The following KLF13 variants were observed in gnomAD, a reference collection of about 807,000 sequenced individuals.
KLF13 encodes the protein KLF transcription factor 13.
KLF13 carries 8 observed loss-of-function variants against 16.7 expected under a neutral mutation model. That is an observed-to-expected ratio of 0.48 (90% CI 0.28 to 0.87). The LOEUF (loss-of-function observed/expected upper bound fraction) is 0.87. Ranked by LOEUF, KLF13 falls within the 40% of genes least tolerant of loss-of-function variation. The pLI is 0.10. For missense variants in KLF13, 447 were observed against 452.2 expected (o/e 0.99, Z 0.10); for synonymous variants, 245 against 208.4 (o/e 1.18, Z -1.51).
At chr15:31,406,391 C>T (rs1432876646), downstream of KLF13, among the ~76,000 whole-genome samples, 2 of 152,140 alleles carry the variant, frequency 1.3e-5, no homozygotes, top group African/African-American at 2.4e-5. Context: ...GCAGGAGAAT[C>T]GCTTGAACCC....
At chr15:31,327,952 C>T (rs933742394) in intron 1 of KLF13, among the ~76,000 whole-genome samples, 163 bp downstream of exon 1, 1 of 147,800 alleles carries the variant, frequency 6.8e-6, no homozygotes, top group Admixed American at 6.7e-5. Context: ...CGGCTGGCCC[C>T]GCGCGTCGCG....
chr15:31,331,159 T>C (rs1164639046), intron 1 of KLF13, among the ~76,000 whole-genome samples: 1 of 152,236 alleles, frequency 6.6e-6, no homozygotes, highest in Non-Finnish European at 1.5e-5. Flanking sequence ...CTGTGCCCTG[T>C]TTTCCCTCCA....
intron 1 of KLF13, among the ~76,000 whole-genome samples, chr15:31,328,223 C>A (rs2038756598): frequency 6.6e-6 from 1 of 150,458 alleles, no homozygotes; most frequent in East Asian, 2.0e-4. Flanking sequence ...TCGTTTCCTC[C>A]CCCGCTGCCC....
intron 1 of KLF13, among the ~76,000 whole-genome samples, chr15:31,383,552 G>A (rs921452350): frequency 2.6e-5 from 4 of 152,222 alleles, no homozygotes; most frequent in African/African-American, 9.7e-5. Context: ...ATATGTTCTT[G>A]TGAATGCAGC....
At chr15:31,426,458 T>C (rs2040402560) in intron 1 of KLF13, among the ~76,000 whole-genome samples, 1 of 152,080 alleles carries the variant, frequency 6.6e-6, no homozygotes, top group Non-Finnish European at 1.5e-5. Flanking sequence ...AATAGACAAA[T>C]GGGACTATAT....
At chr15:31,424,999 A>C (rs1439166977) in intron 1 of KLF13, among the ~76,000 whole-genome samples, 1 of 152,084 alleles carries the variant, frequency 6.6e-6, no homozygotes, top group South Asian at 2.1e-4. Context: ...AACAATGAAC[A>C]ATTTAAAAAG....
downstream of KLF13, among the ~76,000 whole-genome samples, chr15:31,407,557 A>G (rs1264278708): frequency 1.3e-5 from 2 of 152,212 alleles, no homozygotes; most frequent in African/African-American, 4.8e-5. Context: ...TGTATAAGAA[A>G]AGATTTTAAA....
At chr15:31,396,220 T>C (rs1250769322) in intron 2 of KLF13, among the ~76,000 whole-genome samples, 1 of 152,168 alleles carries the variant, frequency 6.6e-6, no homozygotes, top group African/African-American at 2.4e-5. Context: ...ACGGGGTTTC[T>C]CTGTGTTGGT....
intron 1 of KLF13, among the ~76,000 whole-genome samples, chr15:31,367,261 G>C (rs2039489398): frequency 6.6e-6 from 1 of 152,218 alleles, no homozygotes; most frequent in African/African-American, 2.4e-5. Flanking sequence ...CCTGTTGTGG[G>C]CCAGTTCATT....
upstream of KLF13, among the ~76,000 whole-genome samples, chr15:31,391,883 G>A (rs947775249): frequency 7.2e-5 from 11 of 152,178 alleles, 1 homozygote; most frequent in African/African-American, 2.7e-4. Context: ...TGAACTGCCG[G>A]CCCGGGGGAG....
intron 1 of KLF13, among the ~76,000 whole-genome samples, chr15:31,385,041 T>C (rs192977198): frequency 2.6e-4 from 39 of 152,266 alleles, no homozygotes; most frequent in African/African-American, 8.7e-4. Flanking sequence ...GATTGATCCC[T>C]TCACAAGAAG....
At chr15:31,361,317 C>CT (rs2039380715) in intron 1 of KLF13, among the ~76,000 whole-genome samples, 1 of 152,154 alleles carries the variant, frequency 6.6e-6, no homozygotes, top group Non-Finnish European at 1.5e-5. Context: ...AGCCTAGCCT[C>CT]AGGCCCACCC....
rs967029915 is a variant in KLF13 at position 31,374,609 on chromosome 15, T to C, written c.*2310T>C. 2 of 152,346 alleles carry C rather than the reference T, an allele frequency of 1.3e-5. No individual in the cohort carries two copies. The highest frequency in any genetic ancestry group is 4.8e-5 in the African/African-American group (2 of 41,358). The allele number at this position is 152,346 out of a possible 1,614,324, so 9.4% of individuals were successfully genotyped here. On this transcript the variant is annotated 3_prime_UTR_variant, in exon 2 of 2. Transcript: ENST00000307145. Reference sequence around the variant, plus strand: ...TCACATTCCAGGTTCAGGAATTTTATTCCAAAGTCCTTTGGTGCACTCACC... The same window carrying C: ...TCACATTCCAGGTTCAGGAATTTTACTCCAAAGTCCTTTGGTGCACTCACC...
chr15:31,332,346 G>A (rs1427748632), intron 1 of KLF13, among the ~76,000 whole-genome samples: 2 of 152,232 alleles, frequency 1.3e-5, no homozygotes, highest in African/African-American at 2.4e-5. Context: ...CATTGAGAAC[G>A]TTTAAAACAG....
intron 1 of KLF13, among the ~76,000 whole-genome samples, chr15:31,354,473 C>T (rs957153646): frequency 1.3e-5 from 2 of 152,146 alleles, no homozygotes; most frequent in East Asian, 1.9e-4. Context: ...CTCTGCCTCC[C>T]GCGTTCAAGC....
upstream of KLF13, among the ~76,000 whole-genome samples, chr15:31,389,011 A>G (rs1325215712): frequency 6.6e-6 from 1 of 152,202 alleles, no homozygotes; most frequent in Non-Finnish European, 1.5e-5. Flanking sequence ...TGAAAGATGA[A>G]TACCGTTGAC....
intron 1 of KLF13, among the ~76,000 whole-genome samples, chr15:31,362,116 A>T (rs901404460): frequency 6.6e-6 from 1 of 152,148 alleles, no homozygotes; most frequent in Non-Finnish European, 1.5e-5. Context: ...AAGTGGTCTT[A>T]TGGCAGGAGT....
chr15:31,326,993 C>A lies in KLF13; in HGVS notation c.-220C>A, dbSNP rs1016159744. 8 of 196,792 alleles carry A rather than the reference C, an allele frequency of 4.1e-5. No individual in the cohort carries two copies. Among genetic ancestry groups the A allele is most frequent in the Non-Finnish European group, 7.6e-5 (8 of 105,234 alleles). 12.2% of individuals were successfully genotyped at this position (196,792 alleles called of 1,614,324 possible). On this transcript the variant is annotated 5_prime_UTR_variant, in exon 1 of 2. Coordinates refer to ENST00000307145, the MANE Select transcript of KLF13 (RefSeq NM_015995.4). ...CGGGGACCCCAGTCGCCCGCGCGCC[C>A]CATGCGCTCACTCTTCGGTGCCCGG...
At chr15:31,390,755 T>C (rs2039852862), upstream of KLF13, among the ~76,000 whole-genome samples, 1 of 152,178 alleles carries the variant, frequency 6.6e-6, no homozygotes, top group Non-Finnish European at 1.5e-5. Flanking sequence ...TTCCTATTAG[T>C]TGAAGGTGGA....
Sources: gnomAD v4.1 joint callset for allele counts (sites outside exome capture counted in the v4.1 genomes callset) on GRCh38, gnomAD v4.1.1 for gene constraint, MANE v1.5 for transcripts, NCBI Gene and HGNC (gene_info 2026-07-23, HGNC 2026-07-21) for gene names.